The following LAMA2 variants were observed in gnomAD, a reference collection of about 807,000 sequenced individuals.
The protein encoded by LAMA2 is laminin subunit alpha-2.
Under a neutral mutation model 364.8 loss-of-function variants are expected in LAMA2, and 269 were observed. That is an observed-to-expected ratio of 0.74 (90% CI 0.67 to 0.82). The LOEUF is 0.82. Ranked by LOEUF, LAMA2 falls within the 40% of genes least tolerant of loss-of-function variation. The pLI, the probability that LAMA2 is intolerant of heterozygous loss-of-function variation, is 0.00. For missense variants in LAMA2, 3,807 were observed against 3,873.2 expected (o/e 0.98, Z 0.45); for synonymous variants, 1,379 against 1,370.6 (o/e 1.01, Z -0.14).
At chr6:128,960,470 C>CG (rs1296333602) in intron 1 of LAMA2, among the ~76,000 whole-genome samples, 18 of 149,828 alleles carry the variant, frequency 1.2e-4, no homozygotes, top group African/African-American at 4.0e-4. Context: ...CCACCCCGCC[C>CG]CCGCCGACCC....
At chr6:129,398,948 A>T (rs567302148) in intron 37 of LAMA2, among the ~76,000 whole-genome samples, 17 of 152,234 alleles carry the variant, frequency 1.1e-4, no homozygotes, top group Admixed American at 5.2e-4. Context: ...GCTGATAAAC[A>T]TAAGTTGTTT....
At chr6:128,941,178 G>A (rs113042592) in intron 1 of LAMA2, among the ~76,000 whole-genome samples, 4 of 152,270 alleles carry the variant, frequency 2.6e-5, no homozygotes, top group African/African-American at 9.6e-5. Context: ...CTGGAGTGGA[G>A]CAAGTCAATG....
At chr6:129,343,081 A>T (rs561767336) in intron 30 of LAMA2, among the ~76,000 whole-genome samples, 1 of 152,242 alleles carries the variant, frequency 6.6e-6, no homozygotes, top group African/African-American at 2.4e-5. Context: ...TGCTGTCTGA[A>T]CATTCTGCAC....
At chr6:129,501,761 T>C (rs1306756037) in intron 58 of LAMA2, among the ~76,000 whole-genome samples, 1 of 152,204 alleles carries the variant, frequency 6.6e-6, no homozygotes, top group Non-Finnish European at 1.5e-5. Flanking sequence ...AAGCAGCCTG[T>C]ATATCGACCT....
chr6:129,138,017 A>G (rs1205392598), intron 4 of LAMA2, among the ~76,000 whole-genome samples: 1 of 152,084 alleles, frequency 6.6e-6, no homozygotes, highest in Non-Finnish European at 1.5e-5. Context: ...TTTTAAAGAT[A>G]TATAAAGTAC....
At chr6:129,352,962 A>G (rs376162512) in intron 31 of LAMA2, among the ~76,000 whole-genome samples, 3 of 152,118 alleles carry the variant, frequency 2.0e-5, no homozygotes, top group East Asian at 3.9e-4. Context: ...TTAGAATTTT[A>G]TTTCTTTTTC....
chr6:129,446,690 CA>C (rs1184439964), intron 45 of LAMA2, among the ~76,000 whole-genome samples: 3 of 151,790 alleles, frequency 2.0e-5, no homozygotes, highest in African/African-American at 7.3e-5. Flanking sequence ...GTTTTTTGAA[CA>C]ACTTTGGAAC....
rs150309694 is a variant in LAMA2, at chr6:128,920,180, C to T, written c.112+36823C>T. Reference sequence around the variant, plus strand: ...TTTCTTTTCTTTTTTTTTTTTTTGACGGAGTCCTGCTCTGTCACCCAGGCT... The same window carrying T: ...TTTCTTTTCTTTTTTTTTTTTTTGATGGAGTCCTGCTCTGTCACCCAGGCT... On this transcript the variant is annotated intron_variant, in intron 1 of 64. Coordinates refer to ENST00000421865, the MANE Select transcript of LAMA2 (RefSeq NM_000426.4). Among the ~76,000 whole-genome samples, 746 of 147,658 alleles carry T rather than the reference C, an allele frequency of 5.1e-3. 6 individuals are homozygous for T. The highest frequency in any genetic ancestry group is 0.017 in the African/African-American group (692 of 40,064).
intron 40 of LAMA2, among the ~76,000 whole-genome samples, chr6:129,420,003 T>TATAA (rs1413020567): frequency 1.3e-5 from 2 of 152,130 alleles, no homozygotes; most frequent in Non-Finnish European, 2.9e-5. Context: ...TTTAAATTAT[T>TATAA]ATAAAAGCAG....
At chr6:129,323,451 CA>C (rs1775086311) in intron 28 of LAMA2, among the ~76,000 whole-genome samples, 2 of 152,128 alleles carry the variant, frequency 1.3e-5, no homozygotes, top group Admixed American at 1.3e-4. Context: ...TTGTTACCTG[CA>C]CTGTTATGAC....
intron 1 of LAMA2, among the ~76,000 whole-genome samples, chr6:129,005,057 GA>G (rs1784359318): frequency 6.6e-6 from 1 of 151,880 alleles, no homozygotes. Flanking sequence ...ATGCTGGAAA[GA>G]AAAATTTTAC....
intron 34 of LAMA2, among the ~76,000 whole-genome samples, chr6:129,381,184 C>T (rs1431015930): frequency 9.9e-5 from 15 of 151,854 alleles, no homozygotes; most frequent in Admixed American, 5.9e-4. Flanking sequence ...TACATTAATC[C>T]GTAAGGTAAG....
intron 1 of LAMA2, among the ~76,000 whole-genome samples, chr6:128,995,865 C>G (rs912612256): frequency 6.6e-6 from 1 of 152,172 alleles, no homozygotes; most frequent in Non-Finnish European, 1.5e-5. Flanking sequence ...GTATAGATCA[C>G]TAAATAAGTA....
At chr6:129,466,644 C>G (rs540428364) in intron 51 of LAMA2, among the ~76,000 whole-genome samples, 1 of 151,926 alleles carries the variant, frequency 6.6e-6, no homozygotes, top group South Asian at 2.1e-4. Flanking sequence ...AGCTGTTTAA[C>G]CCAGCATTTC....
At chr6:129,144,288 G>A (rs950213616) in intron 5 of LAMA2, among the ~76,000 whole-genome samples, 1 of 151,874 alleles carries the variant, frequency 6.6e-6, no homozygotes, top group Non-Finnish European at 1.5e-5. Flanking sequence ...CTTATTACAT[G>A]TGTAACATTT....
At chr6:129,161,899 C>T (rs1053160750) in intron 8 of LAMA2, among the ~76,000 whole-genome samples, 5 of 152,096 alleles carry the variant, frequency 3.3e-5, no homozygotes, top group African/African-American at 1.2e-4. Context: ...ATTCAGTCCA[C>T]CAATGATGGT....
intron 2 of LAMA2, among the ~76,000 whole-genome samples, chr6:129,059,055 A>G (rs910511955): frequency 1.3e-5 from 2 of 152,198 alleles, no homozygotes; most frequent in African/African-American, 4.8e-5. Context: ...GAAATGAGTT[A>G]AATTAATGAA....
chr6:128,936,365 G>T (rs1337444775), intron 1 of LAMA2, among the ~76,000 whole-genome samples: 1 of 152,070 alleles, frequency 6.6e-6, no homozygotes, highest in African/African-American at 2.4e-5. Context: ...TACCTAATTT[G>T]TTGGGAGCTT....
At chr6:129,440,625 G>A (rs1452605656) in intron 42 of LAMA2, among the ~76,000 whole-genome samples, 191 bp from the exon 43 acceptor site, 1 of 152,014 alleles carries the variant, frequency 6.6e-6, no homozygotes, top group East Asian at 1.9e-4. Context: ...CATAGCAAAA[G>A]TCCCTGAGAA....
Sources: gnomAD v4.1 joint callset for allele counts (sites outside exome capture counted in the v4.1 genomes callset) on GRCh38, gnomAD v4.1.1 for gene constraint, MANE v1.5 for transcripts, NCBI Gene and HGNC (gene_info 2026-07-23, HGNC 2026-07-21) for gene names.